The following SIKE1 variants were observed in gnomAD, a reference collection of about 807,000 sequenced individuals.
SIKE1 encodes suppressor of IKBKE 1.
SIKE1 carries 13 observed loss-of-function variants against 25.8 expected under a neutral mutation model. That is an observed-to-expected ratio of 0.50 (90% confidence interval 0.33 to 0.80). The LOEUF (loss-of-function observed/expected upper bound fraction) is 0.80, where lower values mean the gene tolerates loss of function less well. SIKE1 is among the 30% of genes least tolerant of loss of function. The pLI is 0.02. For missense variants in SIKE1, 222 were observed against 252.4 expected (o/e 0.88, Z 0.82); for synonymous variants, 86 against 95.5 (o/e 0.90, Z 0.58).
At position 114,774,092 on chromosome 1, in the gene SIKE1, A is replaced by G; in HGVS notation, c.*179T>C. ...GTGAAATTCAGCATGTAGTATTCAC[A>G]TTAACACATCTGAGAACTGTGGACA... On this transcript the variant is annotated 3_prime_UTR_variant, in exon 5 of 5. Transcript: ENST00000060969. The G allele has an allele frequency of 2.3e-6, 1 of 437,620 alleles. No homozygotes were observed. Among genetic ancestry groups the G allele is most frequent in the Non-Finnish European group, 4.1e-6 (1 of 243,692 alleles). 27.1% of individuals were successfully genotyped at this position (437,620 alleles called of 1,614,324 possible). A position where few individuals can be genotyped will look rare whatever the true frequency, so the allele number is the denominator to read the frequency against.
chr1:114,778,887 A>G, intron 3 of SIKE1: 1 of 485,694 alleles, frequency 2.1e-6, no homozygotes, highest in South Asian at 2.9e-5. Flanking sequence ...ACAAACAAAC[A>G]AACAAACAAC....
At position 114,776,255 on chromosome 1, in the gene SIKE1, C is replaced by T. The variant is rs1021605760; in HGVS notation, c.522+91G>A. On this transcript the variant is annotated intron_variant, in intron 4 of 4. Transcript: ENST00000060969. ...TAAATCATGAGCACACAGAAAACAT[C>T]AATATATTACAGTGATGGGATAGTG... 2.3e-5 allele frequency: 18 copies of T among 788,000 alleles called. No homozygotes were observed. In the Admixed American group the frequency reaches 3.5e-4, roughly 15 times the overall value. The allele number at this position is 788,000 out of a possible 1,614,324, so 48.8% of individuals were successfully genotyped here.
chr1:114,778,961 G>A, intron 3 of SIKE1, 181 bp downstream of exon 3: 1 of 650,606 alleles, frequency 1.5e-6, no homozygotes. Flanking sequence ...GGAGGCAGAG[G>A]TGAGACGATG....
At chr1:114,780,330 GTC>G in intron 1 of SIKE1, 115 bp from the exon 2 acceptor site, 1 of 1,591,474 alleles carries the variant, frequency 6.3e-7, no homozygotes, top group Non-Finnish European at 8.6e-7. Flanking sequence ...CAGGAAAATG[GTC>G]TCACCGCCGC....
At chr1:114,777,509 G>C (rs553093004) in intron 3 of SIKE1, among the ~76,000 whole-genome samples, 2 of 152,064 alleles carry the variant, frequency 1.3e-5, no homozygotes, top group African/African-American at 4.8e-5. Context: ...TTAAAATACT[G>C]GGCTCTTCAA....
Position 114,773,692 on chromosome 1 carries a change from G to A in SIKE1, c.*579C>T, listed in dbSNP as rs1195888572. 1 of 152,596 alleles carries A rather than the reference G, an allele frequency of 6.6e-6. No homozygotes were observed. Among genetic ancestry groups the A allele is most frequent in the East Asian group, 1.9e-4 (1 of 5,196 alleles). 9.5% of individuals were successfully genotyped at this position (152,596 alleles called of 1,614,324 possible). The stretch of plus-strand genomic sequence containing the variant: ...CCAAGTGTGTTTCCTGGGACTAGCA[G>A]TAGGTTCTCTCAAATTAAAAGTAAA... On this transcript the variant is annotated 3_prime_UTR_variant, in exon 5 of 5. Coordinates refer to ENST00000060969, the MANE Select transcript of SIKE1 (RefSeq NM_025073.3).
In SIKE1 at chr1:114,780,098, G is replaced by T. The variant is rs747527627; in HGVS notation, c.265+12C>A. The T allele has an allele frequency of 7.5e-5, 119 of 1,583,552 alleles. No homozygotes were observed. The highest frequency in any genetic ancestry group is 2.4e-5 in the Non-Finnish European group (28 of 1,159,392). On this transcript the variant is annotated intron_variant, in intron 2 of 4. Transcript: ENST00000060969. The stretch of plus-strand genomic sequence containing the variant: ...TTTAAACTATTACCAGATATGAAAA[G>T]GCCTGACTAACCTCTGTTTTCCTGT...
chr1:114,778,999 G>T, intron 3 of SIKE1, 143 bp downstream of exon 3: 1 of 954,114 alleles, frequency 1.0e-6, no homozygotes, highest in Non-Finnish European at 1.6e-6. Context: ...AGAGGTTGCA[G>T]TGAGCCGAGA....
At chr1:114,776,530 G>T in intron 3 of SIKE1, 71 bp from the exon 4 acceptor site, 1 of 967,786 alleles carries the variant, frequency 1.0e-6, no homozygotes, top group Non-Finnish European at 1.6e-6. Flanking sequence ...GTAAAAGCAT[G>T]TGCATTACGA....
Position 114,780,469 on chromosome 1 carries a change from C to T in SIKE1, c.139G>A (p.Gly47Arg). 6.2e-7 allele frequency: 1 copy of T among 1,613,156 alleles called. No individual in the cohort carries two copies. Among genetic ancestry groups the T allele is most frequent in the Non-Finnish European group, 8.5e-7 (1 of 1,180,034 alleles). The change falls in exon 1 of 5, where the codon GGG becomes AGG. Residue 47 changes from glycine to arginine, a missense_variant. Gly to Arg is a moderately radical substitution (Grantham distance 125, BLOSUM62 -2). Transcript: ENST00000060969. ...HRRVAAMREA[G>R]TALPDQYQED... The stretch of plus-strand genomic sequence containing the variant: ...CTGACCTGGTCCGGAAGCGCTGTCC[C>T]CGCCTCCCGCATAGCTGCTACCCGC...
rs1436459254 is a variant in SIKE1, at chr1:114,770,700, A to G, written c.*3571T>C. ...TAGGATACTGGGCAGCCAAAAGAGA[A>G]ATGACAGATGTCTGCTACAGCCCAT... On this transcript the variant is annotated 3_prime_UTR_variant, in exon 5 of 5. Transcript: ENST00000060969. 1 of 152,232 alleles carries G rather than the reference A, an allele frequency of 6.6e-6. No individual in the cohort carries two copies. Among genetic ancestry groups the G allele is most frequent in the Non-Finnish European group, 1.5e-5 (1 of 68,040 alleles). The allele number at this position is 152,232 out of a possible 1,614,324, so 9.4% of individuals were successfully genotyped here.
Position 114,772,834 on chromosome 1 carries a change from G to A in SIKE1, c.*1437C>T, listed in dbSNP as rs1662105529. The A allele has an allele frequency of 6.6e-6, 1 of 152,098 alleles. No individual in the cohort carries two copies. The highest frequency in any genetic ancestry group is 1.5e-5 in the Non-Finnish European group (1 of 68,010). 9.4% of individuals were successfully genotyped at this position (152,098 alleles called of 1,614,324 possible). Reference sequence around the variant, plus strand: ...ACAGAAATTTGAAAAATTCTTAAATGACATATACCTATTCATTAACACCCA... The same window carrying A: ...ACAGAAATTTGAAAAATTCTTAAATAACATATACCTATTCATTAACACCCA... On this transcript the variant is annotated 3_prime_UTR_variant, in exon 5 of 5. Transcript: ENST00000060969.
intron 3 of SIKE1, among the ~76,000 whole-genome samples, chr1:114,776,933 G>A (rs1266699120): frequency 1.3e-5 from 2 of 152,216 alleles, no homozygotes; most frequent in Non-Finnish European, 2.9e-5. Context: ...AAAAAAGGAT[G>A]AGTTCATGTC....
rs979708495 is a variant in SIKE1, at chr1:114,770,201, C to T, written c.*4070G>A. 8 of 152,276 alleles carry T rather than the reference C, an allele frequency of 5.3e-5. No homozygotes were observed. The highest frequency in any genetic ancestry group is 1.9e-4 in the African/African-American group (8 of 41,442). 9.4% of individuals were successfully genotyped at this position (152,276 alleles called of 1,614,324 possible). On this transcript the variant is annotated 3_prime_UTR_variant, in exon 5 of 5. Transcript: ENST00000060969. ...ATCACCTGAAGTCATAAGTTCGAGA[C>T]CAGCCTGGCCAACATGGAGAAACCC...
At position 114,780,612 on chromosome 1, in the gene SIKE1, G is replaced by A; in HGVS notation, c.-5C>T. ...CTTCTCGATGGTGCAGCTCATAGCA[G>A]CAGCACCACCCCAGCCCCTGCCGGG... On this transcript the variant is annotated 5_prime_UTR_variant, in exon 1 of 5. Transcript: ENST00000060969. 11 of 1,603,972 alleles carry A rather than the reference G, an allele frequency of 6.9e-6. No homozygotes were observed. Among genetic ancestry groups the A allele is most frequent in the Non-Finnish European group, 9.4e-6 (11 of 1,175,204 alleles).
chr1:114,775,503 C>CTTTTT (rs35490891), intron 4 of SIKE1, among the ~76,000 whole-genome samples: 1 of 122,606 alleles, frequency 8.2e-6, no homozygotes, highest in Non-Finnish European at 1.7e-5. Flanking sequence ...AAATGCTTTG[C>CTTTTT]TTTTTTTTTT....
intron 3 of SIKE1, among the ~76,000 whole-genome samples, chr1:114,778,190 T>TAC (rs1662298801): frequency 6.6e-6 from 1 of 152,218 alleles, no homozygotes; most frequent in Admixed American, 6.5e-5. Flanking sequence ...TCCAACCCTA[T>TAC]ACATCTAGAA....
intron 3 of SIKE1, among the ~76,000 whole-genome samples, chr1:114,777,373 G>A (rs1662275145): frequency 6.6e-6 from 1 of 152,138 alleles, no homozygotes; most frequent in Non-Finnish European, 1.5e-5. Context: ...TTAAAACCAA[G>A]AAGTGAAGAG....
rs368527576 is a variant in SIKE1, at chr1:114,780,642, G to A, written c.-35C>T. 12 of 1,545,472 alleles carry A rather than the reference G, an allele frequency of 7.8e-6. No individual in the cohort carries two copies. Among genetic ancestry groups the A allele is most frequent in the Non-Finnish European group, 9.7e-6 (11 of 1,134,938 alleles). On this transcript the variant is annotated 5_prime_UTR_variant, in exon 1 of 5. Transcript: ENST00000060969. ...ACCACCCCAGCCCCTGCCGGGCTCA[G>A]CTACGCGACTCGCTCAGATCTTCTG...
Sources: gnomAD v4.1 joint callset for allele counts (sites outside exome capture counted in the v4.1 genomes callset) on GRCh38, gnomAD v4.1.1 for gene constraint, MANE v1.5 for transcripts, NCBI Gene and HGNC (gene_info 2026-07-23, HGNC 2026-07-21) for gene names.